The following HHIP variants were observed in gnomAD, a reference collection of about 807,000 sequenced individuals.
HHIP encodes the protein hedgehog-interacting protein.
A neutral mutation model predicts 74.0 loss-of-function variants in HHIP; 12 were observed. The observed-to-expected ratio is 0.16, with a 90% confidence interval of 0.10 to 0.26. HHIP has a LOEUF of 0.26. Ranked by LOEUF, HHIP falls within the 10% of genes least tolerant of loss-of-function variation. The pLI, the probability that HHIP is intolerant of heterozygous loss-of-function variation, is 1.00. For synonymous variants in HHIP, 309 were observed against 311.6 expected (o/e 0.99, Z 0.09); for missense variants, 788 against 845.0 (o/e 0.93, Z 0.84).
At chr4:144,698,131 T>C (rs1287204957) in intron 4 of HHIP, among the ~76,000 whole-genome samples, 1 of 152,142 alleles carries the variant, frequency 6.6e-6, no homozygotes, top group Non-Finnish European at 1.5e-5. Flanking sequence ...ATATACCCCA[T>C]GAGACACTTC....
At position 144,658,942 on chromosome 4, in the gene HHIP, A is replaced by G. The variant is rs1314942503; in HGVS notation, c.625A>G (p.Ser209Gly). ...MEEYDKVEEISRKHKHNCFCI... is the reference protein window; with the variant it reads ...MEEYDKVEEIGRKHKHNCFCI... ...AGAATATGACAAAGTGGAAGAGATCAGCAGGTTCATAAAGATAAATGCTCT... is the reference window on the plus strand; with the variant it reads ...AGAATATGACAAAGTGGAAGAGATCGGCAGGTTCATAAAGATAAATGCTCT... Residue 209 changes from serine (S) to glycine (G), a missense_variant, in exon 3 of 13, where the codon AGC becomes GGC. By Grantham distance (56) the Ser-to-Gly change is moderately conservative. This residue lies in a region of HHIP where 373 missense variants were observed against 366.4 expected (regional missense o/e 1.02). Coordinates refer to ENST00000296575, the MANE Select transcript of HHIP (RefSeq NM_022475.3). 4 of 1,606,698 alleles carry G rather than the reference A, an allele frequency of 2.5e-6. No homozygotes were observed. The highest frequency in any genetic ancestry group is 3.4e-6 in the Non-Finnish European group (4 of 1,176,498).
intron 4 of HHIP, among the ~76,000 whole-genome samples, chr4:144,677,582 G>A (rs1729204745): frequency 6.6e-6 from 1 of 152,160 alleles, no homozygotes; most frequent in Non-Finnish European, 1.5e-5. Flanking sequence ...GTGTGGAAAG[G>A]GTACCACCCC....
intron 8 of HHIP, among the ~76,000 whole-genome samples, chr4:144,712,349 T>C (rs373044377): frequency 4.5e-4 from 69 of 152,284 alleles, no homozygotes; most frequent in African/African-American, 1.6e-3. Flanking sequence ...TATATTTTGT[T>C]CATCAGAGAA....
rs1376018543 is a variant in HHIP at position 144,712,025 on chromosome 4, C to A, written c.1377C>A (p.Asn459Lys). ...TGTGTTCAGACTCCAATGGAAAAAA[C>A]AGATCATCAGCCAGAATTCTACAGA... is the stretch of plus-strand genomic sequence containing the variant. ...TILCSDSNGK[N>K]RSSARILQII... The change falls in exon 8 of 13, where the codon AAC becomes AAA. Residue 459 changes from asparagine to lysine, a missense_variant. Coordinates refer to ENST00000296575, the MANE Select transcript of HHIP (RefSeq NM_022475.3). 3 of 1,612,030 alleles carry A rather than the reference C, an allele frequency of 1.9e-6. No individual in the cohort carries two copies. The highest frequency in any genetic ancestry group is 2.2e-5 in the South Asian group (2 of 91,026).
intron 1 of HHIP, among the ~76,000 whole-genome samples, chr4:144,647,495 C>T (rs770609820): frequency 6.6e-6 from 1 of 152,112 alleles, no homozygotes; most frequent in Non-Finnish European, 1.5e-5. Flanking sequence ...AACTCCTGGT[C>T]CTCCGGTTAG....
At position 144,726,015 on chromosome 4, in the gene HHIP, T is replaced by C. The variant is rs1054851411; in HGVS notation, c.1760+7059T>C. ...TATTAGTTGTCATTCCCCTGGGCTA[T>C]TTTTATCACAATAAAAATAGATAAA... On this transcript the variant is annotated intron_variant, in intron 11 of 12. Transcript: ENST00000296575. Among the ~76,000 whole-genome samples, 12 of 152,244 alleles carry C rather than the reference T, an allele frequency of 7.9e-5. No homozygotes were observed. The South Asian group carries it at 2.3e-3, about 29-fold the overall frequency.
At chr4:144,721,053 T>C (rs1376530366) in intron 11 of HHIP, among the ~76,000 whole-genome samples, 1 of 152,172 alleles carries the variant, frequency 6.6e-6, no homozygotes, top group Non-Finnish European at 1.5e-5. Flanking sequence ...ACACGTTTTG[T>C]TATACCAAAA....
intron 4 of HHIP, among the ~76,000 whole-genome samples, chr4:144,664,675 T>TC (rs759095265): frequency 1.3e-5 from 2 of 152,186 alleles, no homozygotes; most frequent in Admixed American, 6.5e-5. Flanking sequence ...AACAAATGCT[T>TC]CCCCAGAAAA....
At chr4:144,714,889 C>A (rs1342252233) in intron 9 of HHIP, 2 of 158,786 alleles carry the variant, frequency 1.3e-5, no homozygotes, top group African/African-American at 4.8e-5. Context: ...TCTTGTTTTC[C>A]AAGTCACTGG....
At chr4:144,647,167 C>G in intron 1 of HHIP, 1 of 500,996 alleles carries the variant, frequency 2.0e-6, no homozygotes, top group Non-Finnish European at 3.5e-6. Flanking sequence ...GGTCGGGATG[C>G]TGTGCAAACT....
intron 2 of HHIP, among the ~76,000 whole-genome samples, chr4:144,656,081 C>G (rs553329807): frequency 1.3e-5 from 2 of 152,250 alleles, no homozygotes; most frequent in Non-Finnish European, 2.9e-5. Context: ...AAATGACAAA[C>G]AAAAGGGAGC....
intron 11 of HHIP, among the ~76,000 whole-genome samples, chr4:144,731,816 T>A (rs989738659): frequency 3.3e-5 from 5 of 152,344 alleles, no homozygotes; most frequent in Admixed American, 2.0e-4. Flanking sequence ...CATGGTGGTA[T>A]AAATGTCATC....
At chr4:144,683,844 C>T (rs1026209989) in intron 4 of HHIP, among the ~76,000 whole-genome samples, 6 of 152,000 alleles carry the variant, frequency 3.9e-5, no homozygotes, top group African/African-American at 1.4e-4. Context: ...TTAAGAAAAA[C>T]GTTTGCTGGC....
intron 4 of HHIP, among the ~76,000 whole-genome samples, chr4:144,690,398 A>T (rs950194179): frequency 2.0e-5 from 3 of 152,220 alleles, no homozygotes; most frequent in African/African-American, 7.2e-5. Flanking sequence ...AAGTACTAGG[A>T]TGAAAAGAAA....
chr4:144,696,079 T>C (rs1441510127), intron 4 of HHIP, among the ~76,000 whole-genome samples: 1 of 151,946 alleles, frequency 6.6e-6, no homozygotes, highest in Non-Finnish European at 1.5e-5. Flanking sequence ...AGAAGAGTTC[T>C]TCCCTCTCTG....
At chr4:144,660,132 T>C (rs1728671789) in intron 4 of HHIP, 1 of 497,796 alleles carries the variant, frequency 2.0e-6, no homozygotes, top group Non-Finnish European at 3.5e-6. Flanking sequence ...TTAAATATTG[T>C]TTAATGGGCA....
At chr4:144,720,322 G>A (rs1050447214) in intron 11 of HHIP, among the ~76,000 whole-genome samples, 3 of 152,096 alleles carry the variant, frequency 2.0e-5, no homozygotes, top group Admixed American at 2.0e-4. Context: ...CTCATAATGA[G>A]GTGTACGGAT....
rs887086498 is a variant in HHIP, at chr4:144,650,959, A to T, written c.280-1646A>T. 44 of 152,268 alleles carry T rather than the reference A, an allele frequency of 2.9e-4. 1 individual carries two copies. The highest frequency in any genetic ancestry group is 6.8e-3 in the Middle Eastern group (2 of 294). 9.4% of individuals were successfully genotyped at this position (152,268 alleles called of 1,614,324 possible). On this transcript the variant is annotated intron_variant, in intron 1 of 12. Transcript: ENST00000296575. ...GCATAATCTCCATAAAACCAAAGGT[A>T]ATTACATTCCAGTTTTTCAGCCAGC...
chr4:144,693,822 G>A (rs1338096771), intron 4 of HHIP, among the ~76,000 whole-genome samples: 1 of 151,730 alleles, frequency 6.6e-6, no homozygotes. Context: ...TAATACTAAA[G>A]ATGCATTTGG....
Sources: allele counts gnomAD v4.1 joint callset (sites outside exome capture counted in the v4.1 genomes callset), GRCh38; gene constraint gnomAD v4.1.1; regional missense constraint gnomAD v4.1.1; transcripts MANE v1.5; gene names NCBI Gene and HGNC (gene_info 2026-07-23, HGNC 2026-07-21).